The following SYNRG variants were observed in gnomAD, a reference collection of about 807,000 sequenced individuals.
The protein encoded by SYNRG is synergin gamma, also known as AP1 gamma subunit binding protein 1.
A neutral mutation model predicts 130.9 loss-of-function variants in SYNRG; 37 were observed. The ratio of observed to expected loss-of-function variants is 0.28; its 90% CI spans 0.22 to 0.37. The LOEUF (loss-of-function observed/expected upper bound fraction) is 0.37. Among genes scored for constraint, SYNRG ranks in the 10% least tolerant of loss-of-function variants. The probability of loss-of-function intolerance (pLI) is 1.00; values close to 1 mark genes in which losing one functional copy is unlikely to be tolerated. For missense variants in SYNRG, 1,338 were observed against 1,588.9 expected, an observed-to-expected ratio of 0.84 and a Z score of 2.68; for synonymous variants, 539 against 568.1, an observed-to-expected ratio of 0.95 and a Z score of 0.73.
chr17:37,577,507 T>C lies in SYNRG; in HGVS notation c.696A>G (p.Pro232=), dbSNP rs1453904623. 6.2e-7 allele frequency: 1 copy of C among 1,614,206 alleles called. No homozygotes were observed. The highest frequency in any genetic ancestry group is 1.1e-5 in the South Asian group (1 of 91,088). Residue 232 remains proline (P), a synonymous_variant, in exon 7 of 22, where the codon CCA becomes CCG. Transcript: ENST00000612223. ...TSEVGHKALG[P]GSSKKYPSLM... ...AACTGGGATACTTCTTACTGGAACC[T>C]GGGCCTAGGGCTTTGTGGCCAACTT...
chr17:37,519,659 C>G (rs2054747442), intron 21 of SYNRG, among the ~76,000 whole-genome samples: 1 of 151,898 alleles, frequency 6.6e-6, no homozygotes, highest in Non-Finnish European at 1.5e-5. Context: ...AAAAATGCCT[C>G]GAAATGAATG....
chr17:37,587,308 C>A (rs1828639085), intron 3 of SYNRG, among the ~76,000 whole-genome samples: 1 of 152,038 alleles, frequency 6.6e-6, no homozygotes, highest in South Asian at 2.1e-4. Context: ...CTCGATGGCA[C>A]CTGGCTCAAA....
At position 37,515,503 on chromosome 17, in the gene SYNRG, G is replaced by A. The variant is rs2054357686; in HGVS notation, c.*3437C>T. On this transcript the variant is annotated 3_prime_UTR_variant, in exon 22 of 22. Transcript: ENST00000612223. ...GACAGAGTTTCGCTCTTGTTGCCCA[G>A]GCTGGAGTGCAGTGGCGCGATCTCG... The A allele has an allele frequency of 6.6e-6, 1 of 152,384 alleles. No homozygotes were observed. The highest frequency in any genetic ancestry group is 2.4e-5 in the African/African-American group (1 of 41,464). The allele number at this position is 152,384 out of a possible 1,614,324, so 9.4% of individuals were successfully genotyped here. A position where few individuals can be genotyped will look rare whatever the true frequency, so the allele number is the denominator to read the frequency against.
chr17:37,559,415 T>A (rs546986755), intron 13 of SYNRG, among the ~76,000 whole-genome samples: 2 of 152,090 alleles, frequency 1.3e-5, no homozygotes, highest in East Asian at 3.9e-4. Flanking sequence ...ACTGGCCAAG[T>A]GTGGTGGCTC....
intron 3 of SYNRG, among the ~76,000 whole-genome samples, chr17:37,587,328 T>C (rs1042109004): frequency 2.0e-5 from 3 of 152,128 alleles, no homozygotes; most frequent in Admixed American, 6.5e-5. Context: ...AATCTAATAT[T>C]AAGAATGATG....
chr17:37,580,368 C>A (rs2061202342), intron 6 of SYNRG, among the ~76,000 whole-genome samples: 1 of 150,912 alleles, frequency 6.6e-6, no homozygotes, highest in Non-Finnish European at 1.5e-5. Flanking sequence ...GAGCTCAGCT[C>A]ACTGAAACCT....
In SYNRG at chr17:37,595,926, TG is replaced by T. The variant is rs1479938262; in HGVS notation, c.240+296del. Among the ~76,000 whole-genome samples the T allele has an allele frequency of 6.6e-5, 10 of 152,250 alleles. No homozygotes were observed. The East Asian group carries it at 1.9e-3, about 29-fold the overall frequency. ...CATGCCACCACGCCCAGGTAATTTT[TG>T]TATTTTTAGTAGAAACAGGGATTCA... On this transcript the variant is annotated intron_variant, in intron 3 of 21. Coordinates refer to ENST00000612223, the MANE Select transcript of SYNRG (RefSeq NM_007247.6).
intron 16 of SYNRG, 51 bp from the exon 17 acceptor site, chr17:37,539,296 C>A: frequency 6.4e-7 from 1 of 1,574,596 alleles, no homozygotes. Context: ...CTGGAATCTT[C>A]TATTGATGAC....
At chr17:37,579,223 A>C (rs1350673058) in intron 6 of SYNRG, 1 of 1,273,052 alleles carries the variant, frequency 7.9e-7, no homozygotes, top group Admixed American at 2.6e-5. Context: ...CTGGACTCTG[A>C]CTTGGAGGGA....
chr17:37,591,615 T>C (rs937175340), intron 3 of SYNRG, among the ~76,000 whole-genome samples: 3 of 152,114 alleles, frequency 2.0e-5, no homozygotes, highest in Admixed American at 1.3e-4. Context: ...CATAAAACAA[T>C]AGAACAGAAC....
At chr17:37,607,158 C>G (rs1402255472) in intron 1 of SYNRG, among the ~76,000 whole-genome samples, 1 of 152,078 alleles carries the variant, frequency 6.6e-6, no homozygotes, top group Admixed American at 6.5e-5. Flanking sequence ...ATATCGTTTA[C>G]AGTTTTAGAA....
At chr17:37,599,567 A>T (rs1467500556) in intron 2 of SYNRG, among the ~76,000 whole-genome samples, 1 of 152,120 alleles carries the variant, frequency 6.6e-6, no homozygotes, top group Admixed American at 6.5e-5. Context: ...CAGAATATTT[A>T]AAAATTAGCC....
intron 3 of SYNRG, among the ~76,000 whole-genome samples, chr17:37,595,745 T>A (rs2062706229): frequency 6.6e-6 from 1 of 151,868 alleles, no homozygotes; most frequent in African/African-American, 2.4e-5. Context: ...AAAACCTTTT[T>A]TTCCTCTGGC....
chr17:37,532,498 C>A (rs2056734005), intron 19 of SYNRG, among the ~76,000 whole-genome samples: 1 of 151,892 alleles, frequency 6.6e-6, no homozygotes, highest in Non-Finnish European at 1.5e-5. Context: ...CAGGGTGAAA[C>A]CCTGTCTCTA....
chr17:37,551,504 T>C (rs2058704394), intron 14 of SYNRG, among the ~76,000 whole-genome samples: 1 of 152,022 alleles, frequency 6.6e-6, no homozygotes, highest in African/African-American at 2.4e-5. Context: ...CAGAAGATTA[T>C]TTTAACAGGT....
At chr17:37,542,809 T>C (rs149626678) in intron 14 of SYNRG, among the ~76,000 whole-genome samples, 5 of 152,288 alleles carry the variant, frequency 3.3e-5, no homozygotes, top group African/African-American at 9.6e-5. Context: ...GCTATAAAAA[T>C]TACTAAAAAA....
At chr17:37,570,427 T>C (rs2060336175) in intron 10 of SYNRG, among the ~76,000 whole-genome samples, 1 of 152,186 alleles carries the variant, frequency 6.6e-6, no homozygotes, top group South Asian at 2.1e-4. Context: ...TGACATTAAA[T>C]ATTATATATT....
intron 19 of SYNRG, among the ~76,000 whole-genome samples, chr17:37,531,710 T>G (rs1337713589): frequency 6.6e-6 from 1 of 151,518 alleles, no homozygotes. Flanking sequence ...GCCCAGGAGG[T>G]CAAGGCTGCT....
At position 37,607,955 on chromosome 17, in the gene SYNRG, C is replaced by CAAAAAAAAA. The variant is rs67822733; in HGVS notation, c.77+1315_77+1323dup. Among the ~76,000 whole-genome samples the CAAAAAAAAA allele has an allele frequency of 1.8e-3, 93 of 51,080 alleles. 2 individuals are homozygous for CAAAAAAAAA. Among genetic ancestry groups the CAAAAAAAAA allele is most frequent in the Non-Finnish European group, 2.7e-3 (63 of 22,956 alleles). The allele number at this position is 51,080 out of a possible 152,430, so 33.5% of individuals were successfully genotyped here. A position where few individuals can be genotyped will look rare whatever the true frequency, so the allele number is the denominator to read the frequency against. On this transcript the variant is annotated intron_variant, in intron 1 of 21. Transcript: ENST00000612223. ...TGGGCAACAGAGCAAGACTTCCTCT[C>CAAAAAAAAA]AAAAAAAAAAAAAAAAAAAAAAAAA...
Sources: gnomAD v4.1 joint callset for allele counts (sites outside exome capture counted in the v4.1 genomes callset) on GRCh38, gnomAD v4.1.1 for gene constraint, MANE v1.5 for transcripts, NCBI Gene and HGNC (gene_info 2026-07-23, HGNC 2026-07-21) for gene names.